The following RAB7A variants were observed in gnomAD, a reference collection of about 807,000 sequenced individuals.
The protein encoded by RAB7A is ras-related protein Rab-7a.
RAB7A carries 2 observed loss-of-function variants against 24.5 expected under a neutral mutation model. The ratio of observed to expected loss-of-function variants is 0.08; its 90% CI spans 0.03 to 0.26. RAB7A has a LOEUF of 0.26. Ranked by LOEUF, RAB7A falls within the 10% of genes least tolerant of loss-of-function variation. RAB7A has a pLI of 1.00. For missense variants in RAB7A, 118 were observed against 255.7 expected (o/e 0.46, Z 3.67); for synonymous variants, 100 against 95.9 (o/e 1.04, Z -0.25).
intron 2 of RAB7A, 66 bp downstream of exon 2, chr3:128,795,486 A>G: frequency 7.0e-7 from 1 of 1,436,892 alleles, no homozygotes; most frequent in Non-Finnish European, 9.8e-7. Flanking sequence ...TGTGGAGCCC[A>G]CACTGTCCGT....
intron 1 of RAB7A, among the ~76,000 whole-genome samples, chr3:128,755,681 C>G (rs536168679): frequency 1.5e-4 from 23 of 152,272 alleles, no homozygotes; most frequent in African/African-American, 5.5e-4. Flanking sequence ...GATGCCATCT[C>G]CTCAACCTGG....
chr3:128,809,563 G>C (rs1933874098), intron 5 of RAB7A, among the ~76,000 whole-genome samples: 1 of 152,180 alleles, frequency 6.6e-6, no homozygotes, highest in South Asian at 2.1e-4. Context: ...TTCCAACTCT[G>C]TGGTCTTTTT....
intron 1 of RAB7A, among the ~76,000 whole-genome samples, chr3:128,755,147 G>A (rs9837805): frequency 0.028 from 4,219 of 152,068 alleles, 179 homozygotes; most frequent in African/African-American, 0.091. Context: ...TTAAAAATAC[G>A]ATACCAAGTA....
chr3:128,802,276 T>C (rs1029224560), intron 3 of RAB7A, among the ~76,000 whole-genome samples: 3 of 151,938 alleles, frequency 2.0e-5, no homozygotes, highest in African/African-American at 7.3e-5. Context: ...TAAAGTTCTC[T>C]ATACTGTTCA....
chr3:128,767,301 G>A (rs1662168508), intron 1 of RAB7A, among the ~76,000 whole-genome samples: 1 of 152,180 alleles, frequency 6.6e-6, no homozygotes, highest in Non-Finnish European at 1.5e-5. Context: ...GATAGAAGAG[G>A]AAGTCAGCTG....
chr3:128,798,632 GGC>G (rs1933628064), intron 3 of RAB7A, among the ~76,000 whole-genome samples: 1 of 151,646 alleles, frequency 6.6e-6, no homozygotes, highest in African/African-American at 2.4e-5. Flanking sequence ...TTCACATTCT[GGC>G]TATAAACTAT....
chr3:128,767,954 G>A (rs988849462), intron 1 of RAB7A, among the ~76,000 whole-genome samples: 1 of 152,034 alleles, frequency 6.6e-6, no homozygotes, highest in African/African-American at 2.4e-5. Context: ...ACATACATAT[G>A]TATCTATGAA....
chr3:128,784,965 G>A (rs1337410674), intron 1 of RAB7A, among the ~76,000 whole-genome samples: 1 of 90,638 alleles, frequency 1.1e-5, no homozygotes, highest in Non-Finnish European at 2.4e-5. Context: ...TTTTTTTTTT[G>A]GAGACAGTCT....
intron 4 of RAB7A, 74 bp from the exon 5 acceptor site, chr3:128,807,469 A>G (rs1933829905): frequency 6.2e-7 from 1 of 1,607,080 alleles, no homozygotes. Context: ...GGGCCATGAC[A>G]CTTCCTGGGG....
At chr3:128,734,860 G>T (rs2107583010) in intron 1 of RAB7A, among the ~76,000 whole-genome samples, 1 of 152,224 alleles carries the variant, frequency 6.6e-6, no homozygotes, top group Admixed American at 6.5e-5. Context: ...ACATGACTTT[G>T]CCTGTCTTCC....
chr3:128,790,793 T>C (rs1933438642), intron 1 of RAB7A, among the ~76,000 whole-genome samples: 1 of 152,220 alleles, frequency 6.6e-6, no homozygotes, highest in South Asian at 2.1e-4. Context: ...GCAAGTCTCT[T>C]GTCATTTGTG....
At chr3:128,790,269 A>G (rs945401585) in intron 1 of RAB7A, among the ~76,000 whole-genome samples, 1 of 152,266 alleles carries the variant, frequency 6.6e-6, no homozygotes, top group Admixed American at 6.5e-5. Context: ...ATGCTTAGCC[A>G]GCCCTGAGTG....
At chr3:128,795,080 A>T (rs9834608) in intron 1 of RAB7A, among the ~76,000 whole-genome samples, 1 of 151,964 alleles carries the variant, frequency 6.6e-6, no homozygotes, top group Non-Finnish European at 1.5e-5. Flanking sequence ...TCAAATTGCC[A>T]ATCCATTCAA....
intron 1 of RAB7A, among the ~76,000 whole-genome samples, chr3:128,763,864 G>GC (rs60251504): frequency 0.068 from 5,589 of 82,412 alleles, 198 homozygotes; most frequent in East Asian, 0.089. Flanking sequence ...TTAGATTCCC[G>GC]CCCCCCCCCC....
intron 1 of RAB7A, among the ~76,000 whole-genome samples, chr3:128,736,508 C>G (rs1016785844): frequency 1.3e-5 from 2 of 152,102 alleles, no homozygotes; most frequent in Non-Finnish European, 2.9e-5. Context: ...TTTCTAGAGG[C>G]TCTGCATCAT....
intron 1 of RAB7A, among the ~76,000 whole-genome samples, chr3:128,731,552 G>A (rs912762087): frequency 2.0e-5 from 3 of 152,160 alleles, no homozygotes; most frequent in Admixed American, 6.5e-5. Flanking sequence ...CACAACTGTT[G>A]TGTGTATCTG....
At chr3:128,796,157 A>T (rs1475353177) in intron 2 of RAB7A, among the ~76,000 whole-genome samples, 1 of 152,062 alleles carries the variant, frequency 6.6e-6, no homozygotes, top group Non-Finnish European at 1.5e-5. Flanking sequence ...CTGATTCTAG[A>T]TGTGCCACTA....
chr3:128,796,679 T>A (rs1933583960), intron 2 of RAB7A, among the ~76,000 whole-genome samples: 1 of 152,188 alleles, frequency 6.6e-6, no homozygotes, highest in Admixed American at 6.5e-5. Flanking sequence ...TGTATGTGTG[T>A]GAGAGACAGG....
At chr3:128,799,645 C>T (rs944158677) in intron 3 of RAB7A, among the ~76,000 whole-genome samples, 2 of 152,186 alleles carry the variant, frequency 1.3e-5, no homozygotes, top group Non-Finnish European at 2.9e-5. Context: ...CACCTACACA[C>T]ATACACCTAG....
Sources: gnomAD v4.1 joint callset for allele counts (sites outside exome capture counted in the v4.1 genomes callset) on GRCh38, gnomAD v4.1.1 for gene constraint, MANE v1.5 for transcripts, NCBI Gene and HGNC (gene_info 2026-07-23, HGNC 2026-07-21) for gene names.